Variants in GLB1L2 observed in about 807,000 individuals in gnomAD.
The protein encoded by GLB1L2 is galactosidase beta 1 like 2.
GLB1L2 carries 68 observed loss-of-function variants against 84.1 expected under a neutral mutation model. That is an observed-to-expected ratio of 0.81 (90% CI 0.67 to 0.99). The LOEUF (loss-of-function observed/expected upper bound fraction) is 0.99. Among genes scored for constraint, GLB1L2 ranks in the 50% least tolerant of loss-of-function variants. The pLI, the probability that GLB1L2 is intolerant of heterozygous loss-of-function variation, is 0.00. For missense variants in GLB1L2, 762 were observed against 805.6 expected (o/e 0.95, Z 0.66); for synonymous variants, 290 against 318.0 (o/e 0.91, Z 0.94).
At chr11:134,364,237 G>T in intron 7 of GLB1L2, 91 bp from the exon 8 acceptor site, 1 of 935,836 alleles carries the variant, frequency 1.1e-6, no homozygotes. Context: ...ACTTTATTGT[G>T]CTGGTGGATT....
At chr11:134,371,539 G>A (rs1170745222) in intron 14 of GLB1L2, 47 bp downstream of exon 14, 2 of 1,211,972 alleles carry the variant, frequency 1.7e-6, no homozygotes, top group African/African-American at 1.5e-5. Flanking sequence ...CCGCTGCTTC[G>A]AGGAAGTCTG....
chr11:134,356,364 G>C lies in GLB1L2; in HGVS notation c.622G>C (p.Asp208His). 1.2e-6 allele frequency: 2 copies of C among 1,613,752 alleles called. No individual in the cohort carries two copies. Among genetic ancestry groups the C allele is most frequent in the Non-Finnish European group, 1.7e-6 (2 of 1,179,672 alleles). ...GAATGAATATGGTTCCTATAATAAA[G>C]ACCCCGCATACATGCCCTACGTCAA... The part of the protein sequence containing the change: ...VENEYGSYNK[D>H]PAYMPYVKKA... Residue 208 changes from aspartate (D) to histidine (H), a missense_variant, in exon 6 of 19, where the codon GAC becomes CAC. By Grantham distance (81) the Asp-to-His change is moderately conservative. Around this residue, in one of 3 missense-constraint regions of GLB1L2, gnomAD observed 603 missense variants for 611.7 expected, o/e 0.99. Transcript: ENST00000535456.
intron 9 of GLB1L2, among the ~76,000 whole-genome samples, chr11:134,367,956 G>A (rs1018741080): frequency 2.0e-5 from 3 of 152,282 alleles, no homozygotes; most frequent in Admixed American, 6.5e-5. Flanking sequence ...CTGCGCACCC[G>A]GCTTTCCCTG....
intron 1 of GLB1L2, among the ~76,000 whole-genome samples, chr11:134,335,798 G>A (rs144918509): frequency 1.6e-4 from 25 of 152,274 alleles, no homozygotes; most frequent in Middle Eastern, 3.4e-3. Flanking sequence ...CATGTCAGAC[G>A]CTCTTCTGGG....
intron 5 of GLB1L2, among the ~76,000 whole-genome samples, chr11:134,348,073 CTG>C (rs1482516828): frequency 6.6e-6 from 1 of 152,128 alleles, no homozygotes; most frequent in African/African-American, 2.4e-5. Flanking sequence ...AACCCAGTTG[CTG>C]TGTAAAACCA....
chr11:134,357,524 C>T (rs564221149), intron 6 of GLB1L2, among the ~76,000 whole-genome samples: 1 of 152,384 alleles, frequency 6.6e-6, no homozygotes, highest in Non-Finnish European at 1.5e-5. Flanking sequence ...GAAGCGTCTC[C>T]TGCGATACCC....
Position 134,339,098 on chromosome 11 carries a change from G to A in GLB1L2, c.87-3656G>A, listed in dbSNP as rs1454101907. Among the ~76,000 whole-genome samples the A allele has an allele frequency of 6.6e-6, 1 of 152,192 alleles. No homozygotes were observed. The highest frequency in any genetic ancestry group is 1.5e-5 in the Non-Finnish European group (1 of 68,042). ...GTGTTCCTGGTTTCATCAGATAAAGGTCCATCGTGGATGAACTGCTCCCCA... is the reference window on the plus strand; with the variant it reads ...GTGTTCCTGGTTTCATCAGATAAAGATCCATCGTGGATGAACTGCTCCCCA... On this transcript the variant is annotated intron_variant, in intron 1 of 18. Coordinates refer to ENST00000535456, the MANE Select transcript of GLB1L2 (RefSeq NM_001370461.1). This position sits in a 1 kb window ranked among gnomAD's most constrained non-coding sequence, Gnocchi z 5.7.
chr11:134,356,131 A>G lies in GLB1L2; in HGVS notation c.559-170A>G, dbSNP rs1943698235. 5 of 726,250 alleles carry G rather than the reference A, an allele frequency of 6.9e-6. No individual in the cohort carries two copies. In the Admixed American group the frequency reaches 9.6e-5, roughly 14 times the overall value. 45.0% of individuals were successfully genotyped at this position (726,250 alleles called of 1,614,324 possible). A position where few individuals can be genotyped will look rare whatever the true frequency, so the allele number is the denominator to read the frequency against. On this transcript the variant is annotated intron_variant, in intron 5 of 18. Transcript: ENST00000535456. ...CTGGAGTTGTTTTCTTGATGTTTTCATGGGAGAACAAGGGCCTAGTGCTTC... is the reference window on the plus strand; with the variant it reads ...CTGGAGTTGTTTTCTTGATGTTTTCGTGGGAGAACAAGGGCCTAGTGCTTC...
Position 134,371,785 on chromosome 11 carries a change from C to T in GLB1L2, c.1462C>T (p.Arg488Cys), listed in dbSNP as rs760777420. Residue 488 changes from arginine to cysteine, a missense_variant, in exon 15 of 19, where the codon CGT becomes TGT. Around this residue, in one of 3 missense-constraint regions of GLB1L2, gnomAD observed 603 missense variants for 611.7 expected, o/e 0.99. Coordinates refer to ENST00000535456, the MANE Select transcript of GLB1L2 (RefSeq NM_001370461.1). ...YTVLRILVEN[R>C]GRVNYGENID... ...CGTGCTGAGGATCTTGGTGGAGAAT[C>T]GTGGGCGAGTCAACTATGGGGAGAA... 11 of 1,613,950 alleles carry T rather than the reference C, an allele frequency of 6.8e-6. No individual in the cohort carries two copies. The highest frequency in any genetic ancestry group is 8.5e-6 in the Non-Finnish European group (10 of 1,180,002).
At chr11:134,362,590 T>G (rs574274159) in intron 7 of GLB1L2, among the ~76,000 whole-genome samples, 8 of 152,220 alleles carry the variant, frequency 5.3e-5, no homozygotes, top group Non-Finnish European at 1.2e-4. Context: ...GTTGAGTGTT[T>G]CTGGAGAAGT....
At chr11:134,360,479 C>G (rs998570127) in intron 7 of GLB1L2, 2 of 152,212 alleles carry the variant, frequency 1.3e-5, no homozygotes, top group African/African-American at 4.8e-5. Context: ...CTCCGGGCTC[C>G]GCAGGGCTGT....
chr11:134,355,023 C>T (rs969619666), intron 5 of GLB1L2, among the ~76,000 whole-genome samples: 7 of 152,076 alleles, frequency 4.6e-5, no homozygotes, highest in Admixed American at 2.0e-4. Context: ...GCTCTGTTCA[C>T]TTTTCTTTAT....
In GLB1L2 at chr11:134,359,072, C is replaced by T. The variant is rs755604496; in HGVS notation, c.664C>T (p.Arg222Cys). ...MPYVKKALED[R>C]GIVELLLTSD... ...ATTTCCCCCACAGGCACTGGAGGACCGTGGCATTGTGGAACTGCTCCTGAC... is the reference window on the plus strand; with the variant it reads ...ATTTCCCCCACAGGCACTGGAGGACTGTGGCATTGTGGAACTGCTCCTGAC... Residue 222 changes from arginine (R) to cysteine (C), a missense_variant, in exon 7 of 19, where the codon CGT (arginine) becomes TGT (cysteine). Physicochemically the swap from Arg to Cys is radical, Grantham distance 180 (BLOSUM62 -3). Coordinates refer to ENST00000535456, the MANE Select transcript of GLB1L2 (RefSeq NM_001370461.1). 62 of 1,601,186 alleles carry T rather than the reference C, an allele frequency of 3.9e-5. 1 individual carries two copies. The South Asian group carries it at 4.2e-4, about 11-fold the overall frequency.
In GLB1L2 at chr11:134,339,162, T is replaced by C. The variant is rs1233378819; in HGVS notation, c.87-3592T>C. ...AAACACGCTGGGCTTCCTTAGGATT[T>C]GGTTAGCTGCTTGGTATCAAGCCTA... On this transcript the variant is annotated intron_variant, in intron 1 of 18. Transcript: ENST00000535456. The surrounding 1 kb of genome is among the most constrained non-coding windows in gnomAD (Gnocchi z 5.7). Among the ~76,000 whole-genome samples the C allele has an allele frequency of 6.6e-6, 1 of 152,230 alleles. No homozygotes were observed. The highest frequency in any genetic ancestry group is 1.5e-5 in the Non-Finnish European group (1 of 68,050).
In GLB1L2 at chr11:134,347,342, C is replaced by G; in HGVS notation, c.467C>G (p.Pro156Arg). 6.2e-7 allele frequency: 1 copy of G among 1,614,046 alleles called. No individual in the cohort carries two copies. Among genetic ancestry groups the G allele is most frequent in the Non-Finnish European group, 8.5e-7 (1 of 1,179,872 alleles). ...GGLPSWLLQD[P>R]GMRLRTTYKG... ...ACTTCAAGCTGGCTACTCCAAGACC[C>G]TGGCATGAGGCTGAGGACAACTTAC... is the stretch of plus-strand genomic sequence containing the variant. Residue 156 changes from proline to arginine, a missense_variant, in exon 5 of 19, where the codon CCT (proline) becomes CGT (arginine). By Grantham distance (103) the Pro-to-Arg change is moderately radical. Transcript: ENST00000535456.
chr11:134,353,721 C>A (rs1441120474), intron 5 of GLB1L2, among the ~76,000 whole-genome samples: 1 of 152,144 alleles, frequency 6.6e-6, no homozygotes, highest in Non-Finnish European at 1.5e-5. Flanking sequence ...GCATTTGGTG[C>A]ATATATGTTT....
chr11:134,361,159 AACAAAAAAC>A (rs1943782094), intron 7 of GLB1L2: 1 of 151,714 alleles, frequency 6.6e-6, no homozygotes, highest in African/African-American at 2.4e-5. Flanking sequence ...TCAAAAAAAA[AACAAAAAAC>A]AAAAAACATT....
In GLB1L2 at chr11:134,375,811, A is replaced by AGTGGCCCCCGCCCCCCAC. The variant is rs1944017779; in HGVS notation, c.*753_*754insGTGGCCCCCGCCCCCCAC. 6.9e-6 allele frequency: 1 copy of AGTGGCCCCCGCCCCCCAC among 144,538 alleles called. No individual in the cohort carries two copies. Among genetic ancestry groups the AGTGGCCCCCGCCCCCCAC allele is most frequent in the Non-Finnish European group, 1.5e-5 (1 of 65,688 alleles). 9.0% of individuals were successfully genotyped at this position (144,538 alleles called of 1,614,324 possible). The stretch of plus-strand genomic sequence containing the variant: ...GGGAGGAGGACAGAAGGCCCAGCTC[A>AGTGGCCCCCGCCCCCCAC]CATGTGAGTCCTGGCAGAAGCCATG... On this transcript the variant is annotated 3_prime_UTR_variant, in exon 19 of 19. Coordinates refer to ENST00000535456, the MANE Select transcript of GLB1L2 (RefSeq NM_001370461.1).
chr11:134,372,587 G>C (rs55951230), intron 15 of GLB1L2: 2 of 152,194 alleles, frequency 1.3e-5, no homozygotes, highest in African/African-American at 4.8e-5. Context: ...AGCTAAATGT[G>C]GGTGGTTTCA....
Sources: gnomAD v4.1 joint callset for allele counts (sites outside exome capture counted in the v4.1 genomes callset) on GRCh38, gnomAD v4.1.1 for gene constraint, gnomAD v4.1.1 regional missense constraint, Gnocchi (gnomAD v3.1) non-coding constraint, MANE v1.5 for transcripts, NCBI Gene and HGNC (gene_info 2026-07-23, HGNC 2026-07-21) for gene names.